LRP1B: variants seen among roughly 807,000 people sequenced by gnomAD.
LRP1B encodes the protein low-density lipoprotein receptor-related protein 1B.
LRP1B carries 217 observed loss-of-function variants against 556.6 expected under a neutral mutation model. The ratio of observed to expected loss-of-function variants is 0.39; its 90% CI spans 0.35 to 0.44. The LOEUF (loss-of-function observed/expected upper bound fraction) is 0.44. LRP1B is among the 20% of genes least tolerant of loss of function. The pLI is 1.00. For synonymous variants in LRP1B, 2,047 were observed against 1,865.8 expected (o/e 1.10, Z -2.50); for missense variants, 5,053 against 5,620.8 (o/e 0.90, Z 3.23).
At position 140,511,010 on chromosome 2, in the gene LRP1B, A is replaced by T. The variant is rs184760048; in HGVS notation, c.8270-954T>A. ...TGACCCTAAATCTCTTTTTTTTTTTAAATTTTACTTTCTTATGACCCAAAG... is the reference window on the plus strand; with the variant it reads ...TGACCCTAAATCTCTTTTTTTTTTTTAATTTTACTTTCTTATGACCCAAAG... On this transcript the variant is annotated intron_variant, in intron 51 of 90. Coordinates refer to ENST00000389484, the MANE Select transcript of LRP1B (RefSeq NM_018557.3). Among the ~76,000 whole-genome samples the T allele has an allele frequency of 7.2e-3, 1,078 of 150,454 alleles. 10 individuals are homozygous for T. Among genetic ancestry groups the T allele is most frequent in the African/African-American group, 0.02 (812 of 40,902 alleles).
chr2:141,161,961 A>C (rs1213446408), intron 7 of LRP1B, among the ~76,000 whole-genome samples: 1 of 152,110 alleles, frequency 6.6e-6, no homozygotes, highest in Non-Finnish European at 1.5e-5. Flanking sequence ...AGACTACAAA[A>C]CCCTGACAAC....
intron 1 of LRP1B, among the ~76,000 whole-genome samples, chr2:141,868,107 A>C (rs1178790506): frequency 1.3e-5 from 2 of 152,144 alleles, no homozygotes; most frequent in Non-Finnish European, 2.9e-5. Flanking sequence ...AGTACATAGA[A>C]ATGCCTTCAA....
intron 18 of LRP1B, among the ~76,000 whole-genome samples, chr2:140,963,843 GTTAC>G (rs1696111946): frequency 6.6e-6 from 1 of 152,190 alleles, no homozygotes; most frequent in Admixed American, 6.5e-5. Context: ...TGTAATTCCA[GTTAC>G]CTGTGTAGGG....
At chr2:140,480,574 G>A (rs1688189574) in intron 59 of LRP1B, among the ~76,000 whole-genome samples, 1 of 151,822 alleles carries the variant, frequency 6.6e-6, no homozygotes, top group African/African-American at 2.4e-5. Flanking sequence ...CTGAGTAGCT[G>A]GGATTACAGG....
intron 3 of LRP1B, among the ~76,000 whole-genome samples, chr2:141,342,128 T>C (rs1964095): frequency 0.61 from 90,839 of 149,846 alleles, 28,375 homozygotes; most frequent in African/African-American, 0.69. Context: ...CCTGTAGTCC[T>C]AGCTACTTGG....
intron 1 of LRP1B, among the ~76,000 whole-genome samples, chr2:142,010,433 A>G (rs1415720012): frequency 6.6e-6 from 1 of 151,298 alleles, no homozygotes; most frequent in Non-Finnish European, 1.5e-5. Flanking sequence ...GGGTGCCTGT[A>G]GTCTCAGCTA....
At chr2:141,754,005 C>A (rs1694231720) in intron 2 of LRP1B, among the ~76,000 whole-genome samples, 2 of 152,092 alleles carry the variant, frequency 1.3e-5, no homozygotes, top group Admixed American at 1.3e-4. Flanking sequence ...CTTCCCCATA[C>A]CAGGTCATAG....
At chr2:140,852,534 G>T (rs561584998) in intron 27 of LRP1B, among the ~76,000 whole-genome samples, 1 of 152,222 alleles carries the variant, frequency 6.6e-6, no homozygotes, top group African/African-American at 2.4e-5. Flanking sequence ...GCTTCCCTAG[G>T]AAACTACTGG....
At chr2:141,849,169 G>A (rs571388267) in intron 1 of LRP1B, among the ~76,000 whole-genome samples, 4 of 151,624 alleles carry the variant, frequency 2.6e-5, no homozygotes, top group South Asian at 4.2e-4. Context: ...GGCTTACAAT[G>A]TCTTGCATCT....
chr2:140,285,827 G>C (rs908927527), intron 84 of LRP1B, among the ~76,000 whole-genome samples: 1 of 116,516 alleles, frequency 8.6e-6, no homozygotes, highest in Non-Finnish European at 1.8e-5. Context: ...CTGCCCTTAA[G>C]GAGAAGGGAT....
chr2:141,645,332 A>C (rs1689514451), intron 2 of LRP1B, among the ~76,000 whole-genome samples: 1 of 152,100 alleles, frequency 6.6e-6, no homozygotes, highest in African/African-American at 2.4e-5. Context: ...ACCATGCCTC[A>C]TATGAAGAAA....
chr2:140,403,047 A>T (rs1180988495), intron 66 of LRP1B, among the ~76,000 whole-genome samples: 1 of 152,136 alleles, frequency 6.6e-6, no homozygotes, highest in East Asian at 1.9e-4. Context: ...CTTCACCCCT[A>T]AAAGCATCAG....
chr2:141,028,602 C>A (rs1698280768), intron 11 of LRP1B, among the ~76,000 whole-genome samples: 1 of 151,834 alleles, frequency 6.6e-6, no homozygotes, highest in Non-Finnish European at 1.5e-5. Context: ...CAGTAAAAAC[C>A]AAAATGACTT....
chr2:141,419,003 T>C (rs182707927), intron 3 of LRP1B, among the ~76,000 whole-genome samples: 2,006 of 152,232 alleles, frequency 0.013, 28 homozygotes, highest in Middle Eastern at 0.041. Flanking sequence ...AATTTTCTTA[T>C]TGAATATTAC....
chr2:141,895,296 C>T (rs1699419205), intron 1 of LRP1B, among the ~76,000 whole-genome samples: 1 of 152,082 alleles, frequency 6.6e-6, no homozygotes, highest in Non-Finnish European at 1.5e-5. Flanking sequence ...GGCTCCATGA[C>T]ATAGCAGTCA....
At chr2:142,097,057 CA>C (rs1553516821) in intron 1 of LRP1B, among the ~76,000 whole-genome samples, 6 of 93,742 alleles carry the variant, frequency 6.4e-5, no homozygotes, top group South Asian at 2.8e-4. Context: ...ATTATCATTG[CA>C]AAAAAAAAAC....
chr2:141,600,535 G>A (rs544487550), intron 2 of LRP1B, among the ~76,000 whole-genome samples: 1 of 152,162 alleles, frequency 6.6e-6, no homozygotes, highest in East Asian at 1.9e-4. Context: ...TAAAGTGAAT[G>A]GGTGAACTAG....
chr2:140,967,606 C>T (rs1232246213), intron 18 of LRP1B, among the ~76,000 whole-genome samples: 2 of 151,762 alleles, frequency 1.3e-5, no homozygotes, highest in African/African-American at 4.8e-5. Context: ...GAGGGCATCC[C>T]TGTCTTGTGC....
intron 7 of LRP1B, among the ~76,000 whole-genome samples, chr2:141,132,367 A>G (rs894420297): frequency 2.0e-5 from 3 of 151,966 alleles, no homozygotes; most frequent in Admixed American, 2.0e-4. Context: ...GAGTTTTTAT[A>G]AAGCCAGGAT....
Sources: allele counts gnomAD v4.1 joint callset (sites outside exome capture counted in the v4.1 genomes callset), GRCh38; gene constraint gnomAD v4.1.1; transcripts MANE v1.5; gene names NCBI Gene and HGNC (gene_info 2026-07-23, HGNC 2026-07-21).